Variants in FBXL5 observed in about 807,000 individuals in gnomAD.
FBXL5 encodes the protein F-box and leucine rich repeat protein 5, also known as F-box/LRR-repeat protein 5.
A neutral mutation model predicts 78.3 loss-of-function variants in FBXL5; 26 were observed. The observed-to-expected ratio is 0.33, with a 90% CI of 0.24 to 0.46. The LOEUF (loss-of-function observed/expected upper bound fraction) is 0.46, where lower values mean the gene tolerates loss of function less well. FBXL5 is among the 20% of genes least tolerant of loss of function. The pLI is 1.00. For missense variants in FBXL5, 710 were observed against 829.2 expected, an observed-to-expected ratio of 0.86 and a Z score of 1.77; for synonymous variants, 295 against 282.5, an observed-to-expected ratio of 1.04 and a Z score of -0.45.
At chr4:15,659,589 T>C (rs1717208128), upstream of FBXL5, 1 of 232,458 alleles carries the variant, frequency 4.3e-6, no homozygotes. Context: ...AAGAGAAGTT[T>C]AGATAATACT....
chr4:15,679,478 C>A (rs1718120268), intron 1 of FBXL5, among the ~76,000 whole-genome samples: 1 of 149,980 alleles, frequency 6.7e-6, no homozygotes, highest in Non-Finnish European at 1.5e-5. Flanking sequence ...CAAGGAAGCA[C>A]AGATTTTGAT....
At chr4:15,665,329 T>C (rs752809598) in intron 1 of FBXL5, among the ~76,000 whole-genome samples, 9 of 152,152 alleles carry the variant, frequency 5.9e-5, no homozygotes, top group Non-Finnish European at 1.3e-4. Flanking sequence ...TCAGGCATCT[T>C]AGCCAAGGCA....
At chr4:15,607,607 C>A (rs1369405219) in intron 10 of FBXL5, among the ~76,000 whole-genome samples, 1 of 151,966 alleles carries the variant, frequency 6.6e-6, no homozygotes, top group Non-Finnish European at 1.5e-5. Flanking sequence ...AATATAATGC[C>A]AGCTTTACCC....
At chr4:15,642,405 T>C (rs1220683103) in intron 2 of FBXL5, among the ~76,000 whole-genome samples, 2 of 151,958 alleles carry the variant, frequency 1.3e-5, no homozygotes, top group Admixed American at 6.6e-5. Flanking sequence ...GCTAATTTTT[T>C]TGGTATTTTT....
intron 10 of FBXL5, 180 bp downstream of exon 10, chr4:15,612,086 C>A: frequency 2.0e-6 from 1 of 494,930 alleles, no homozygotes; most frequent in South Asian, 4.6e-5. Context: ...AAAAACTTAC[C>A]TTTCAAGATG....
intron 1 of FBXL5, among the ~76,000 whole-genome samples, chr4:15,649,989 T>A (rs376525361): frequency 2.0e-5 from 3 of 152,152 alleles, no homozygotes; most frequent in African/African-American, 7.2e-5. Flanking sequence ...TCTTTTCAGA[T>A]ACAAGAGAGT....
chr4:15,669,282 G>A (rs1338864624), intron 1 of FBXL5, among the ~76,000 whole-genome samples: 1 of 152,090 alleles, frequency 6.6e-6, no homozygotes, highest in Admixed American at 6.6e-5. Context: ...TTACTTTACT[G>A]TAGGCAATTG....
Position 15,636,536 on chromosome 4 carries a change from C to T in FBXL5, c.724G>A (p.Gly242Arg), listed in dbSNP as rs17852799. ...SMKWSQLTKTGSLWKHLYPVH... is the reference protein window; with the variant it reads ...SMKWSQLTKTRSLWKHLYPVH... Reference sequence around the variant, plus strand: ...GGGTAAAGATGTTTCCAAAGCGATCCCGTTTTTGTCAGCTGAGACCATTTC... The same window carrying T: ...GGGTAAAGATGTTTCCAAAGCGATCTCGTTTTTGTCAGCTGAGACCATTTC... The change falls in exon 5 of 11, where the codon GGA (glycine) becomes AGA (arginine). Residue 242 changes from glycine (G) to arginine (R), a missense_variant. Gly to Arg is a moderately radical substitution (Grantham distance 125). This residue lies in a region of FBXL5 where 517 missense variants were observed against 542.9 expected (regional missense o/e 0.95). Transcript: ENST00000341285. 2 of 1,613,414 alleles carry T rather than the reference C, an allele frequency of 1.2e-6. No individual in the cohort carries two copies. The highest frequency in any genetic ancestry group is 1.1e-5 in the South Asian group (1 of 90,966).
At chr4:15,609,160 T>C (rs1050914222) in intron 10 of FBXL5, among the ~76,000 whole-genome samples, 1 of 152,120 alleles carries the variant, frequency 6.6e-6, no homozygotes, top group African/African-American at 2.4e-5. Context: ...TCCCTTTAAA[T>C]ATTTGACTTA....
intron 6 of FBXL5, among the ~76,000 whole-genome samples, chr4:15,629,565 A>C (rs1713411092): frequency 6.6e-6 from 1 of 152,094 alleles, no homozygotes; most frequent in Non-Finnish European, 1.5e-5. Context: ...TCTAAATTTT[A>C]AGCTCAACAA....
intron 9 of FBXL5, among the ~76,000 whole-genome samples, chr4:15,614,735 G>C (rs1283504582): frequency 1.3e-5 from 2 of 152,134 alleles, no homozygotes; most frequent in Non-Finnish European, 2.9e-5. Flanking sequence ...GTATTATTGA[G>C]AGGTGACAGC....
chr4:15,655,311 C>T lies in FBXL5; in HGVS notation c.-24G>A. On this transcript the variant is annotated 5_prime_UTR_variant, in exon 1 of 11. Coordinates refer to ENST00000341285, the MANE Select transcript of FBXL5 (RefSeq NM_012161.4). ...ATCGCCACTGCCTCAGCCTCCGCCTCAGCAGCCGCGGCCGCCGCCTCTCCA... is the reference window on the plus strand; with the variant it reads ...ATCGCCACTGCCTCAGCCTCCGCCTTAGCAGCCGCGGCCGCCGCCTCTCCA... 7.3e-7 allele frequency: 1 copy of T among 1,374,512 alleles called. No individual in the cohort carries two copies. The highest frequency in any genetic ancestry group is 9.6e-7 in the Non-Finnish European group (1 of 1,038,082). 85.1% of individuals were successfully genotyped at this position (1,374,512 alleles called of 1,614,324 possible). A position where few individuals can be genotyped will look rare whatever the true frequency, so the allele number is the denominator to read the frequency against.
chr4:15,644,759 CA>C (rs1392502826), intron 1 of FBXL5, 51 bp from the exon 2 acceptor site: 1 of 1,327,232 alleles, frequency 7.5e-7, no homozygotes. Context: ...CAAATATGCA[CA>C]AATAAAAAAT....
chr4:15,610,830 A>G (rs1313793328), intron 10 of FBXL5, among the ~76,000 whole-genome samples: 1 of 152,076 alleles, frequency 6.6e-6, no homozygotes, highest in African/African-American at 2.4e-5. Context: ...CATACAAATA[A>G]AATTTTTTCT....
In FBXL5 at chr4:15,605,177, C is replaced by G. The variant is rs1721802086; in HGVS notation, c.*546G>C. 6.5e-6 allele frequency: 1 copy of G among 152,802 alleles called. No homozygotes were observed. Among genetic ancestry groups the G allele is most frequent in the South Asian group, 2.1e-4 (1 of 4,836 alleles). 9.5% of individuals were successfully genotyped at this position (152,802 alleles called of 1,614,324 possible). ...TTTCCTAGCTCACTGAGCTAACACTCAGAAGCCAATTTATTCTATAATCCT... is the reference window on the plus strand; with the variant it reads ...TTTCCTAGCTCACTGAGCTAACACTGAGAAGCCAATTTATTCTATAATCCT... On this transcript the variant is annotated 3_prime_UTR_variant, in exon 11 of 11. Coordinates refer to ENST00000341285, the MANE Select transcript of FBXL5 (RefSeq NM_012161.4).
Position 15,638,539 on chromosome 4 carries a change from AAAAAAC to A in FBXL5, c.546_551del (p.Lys182_Phe184delinsAsn). The A allele has an allele frequency of 6.3e-7, 1 of 1,595,594 alleles. No homozygotes were observed. The highest frequency in any genetic ancestry group is 8.5e-7 in the Non-Finnish European group (1 of 1,175,604). On this transcript the variant is annotated inframe_deletion, in exon 4 of 11. Transcript: ENST00000341285. ...CTGACTTTTCATCCACGGAATATTT[AAAAAAC>A]TTCTGTCGCTCTTCAGCATGATTCC...
At chr4:15,648,658 T>C (rs1294676958) in intron 1 of FBXL5, among the ~76,000 whole-genome samples, 2 of 152,140 alleles carry the variant, frequency 1.3e-5, no homozygotes, top group African/African-American at 4.8e-5. Context: ...ATATGGAATC[T>C]AAAGTAGAAC....
chr4:15,654,692 T>C (rs1716612379), intron 1 of FBXL5, among the ~76,000 whole-genome samples: 1 of 152,042 alleles, frequency 6.6e-6, no homozygotes, highest in Non-Finnish European at 1.5e-5. Flanking sequence ...GACGCTGCAG[T>C]TCCAGCCAGG....
chr4:15,624,600 T>C (rs1352474845), intron 9 of FBXL5, among the ~76,000 whole-genome samples: 2 of 130,346 alleles, frequency 1.5e-5, no homozygotes, highest in African/African-American at 5.8e-5. Context: ...TCTAGGAGGT[T>C]AAAAAAAAAA....
Sources: gnomAD v4.1 joint callset for allele counts (sites outside exome capture counted in the v4.1 genomes callset) on GRCh38, gnomAD v4.1.1 for gene constraint, gnomAD v4.1.1 regional missense constraint, MANE v1.5 for transcripts, NCBI Gene and HGNC (gene_info 2026-07-23, HGNC 2026-07-21) for gene names.